Variants in SCUBE1 observed in about 807,000 individuals in gnomAD.
SCUBE1 encodes signal peptide, CUB domain and EGF like domain containing 1.
In SCUBE1, 59 loss-of-function variants were observed where a neutral mutation model predicts 124.4. That is an observed-to-expected ratio of 0.47 (90% confidence interval 0.38 to 0.59). The LOEUF is 0.59. SCUBE1 is among the 20% of genes least tolerant of loss of function. SCUBE1 has a pLI of 0.00. For missense variants in SCUBE1, 1,150 were observed against 1,371.2 expected (o/e 0.84, Z 2.55); for synonymous variants, 545 against 550.9 (o/e 0.99, Z 0.15).
chr22:43,203,934 C>T lies in SCUBE1; in HGVS notation c.*63G>A, dbSNP rs2146645226. 2 of 1,557,462 alleles carry T rather than the reference C, an allele frequency of 1.3e-6. No homozygotes were observed. Among genetic ancestry groups the T allele is most frequent in the Admixed American group, 1.7e-5 (1 of 58,822 alleles). On this transcript the variant is annotated 3_prime_UTR_variant, in exon 22 of 22. Coordinates refer to ENST00000360835, the MANE Select transcript of SCUBE1 (RefSeq NM_173050.5). ...GGTGTGGAGGCCCATGCAGCTCCCA[C>T]TGTGGAGGGCAGGTGCACCCTCCGC...
intron 2 of SCUBE1, among the ~76,000 whole-genome samples, chr22:43,333,385 A>G (rs1256388593): frequency 6.6e-6 from 1 of 152,236 alleles, no homozygotes; most frequent in African/African-American, 2.4e-5. Context: ...ATGTCTCCAC[A>G]TGTGGAGGCT....
At chr22:43,235,274 G>C (rs1196970107) in intron 7 of SCUBE1, among the ~76,000 whole-genome samples, 1 of 152,146 alleles carries the variant, frequency 6.6e-6, no homozygotes, top group African/African-American at 2.4e-5. Context: ...GGTGTGCATG[G>C]GGGCAGGGCG....
Position 43,218,509 on chromosome 22 carries a change from G to A in SCUBE1, c.1688-51C>T, listed in dbSNP as rs747261883. On this transcript the variant is annotated intron_variant, in intron 14 of 21. Transcript: ENST00000360835. ...TGAATCGCTGGCAACCTTGCTAGCC[G>A]CTGCCTTCTTAGCTGAGGGCTCCCC... is the stretch of plus-strand genomic sequence containing the variant. The A allele has an allele frequency of 1.6e-5, 26 of 1,578,356 alleles. No homozygotes were observed. In the East Asian group the frequency reaches 4.3e-4, roughly 26 times the overall value.
chr22:43,338,376 GAC>G (rs1253671732), intron 2 of SCUBE1, among the ~76,000 whole-genome samples: 1 of 152,192 alleles, frequency 6.6e-6, no homozygotes, highest in Non-Finnish European at 1.5e-5. Context: ...TGGAACTTGA[GAC>G]AGAGACCTAC....
chr22:43,284,519 C>T (rs1925053798), intron 4 of SCUBE1, among the ~76,000 whole-genome samples: 1 of 152,256 alleles, frequency 6.6e-6, no homozygotes, highest in East Asian at 1.9e-4. Context: ...TTCCCCATTG[C>T]TGCTGTCTTC....
intron 7 of SCUBE1, among the ~76,000 whole-genome samples, chr22:43,235,240 T>A (rs1478871779): frequency 6.6e-6 from 1 of 152,104 alleles, no homozygotes; most frequent in Non-Finnish European, 1.5e-5. Context: ...TTTGGGTACA[T>A]CACCCAGGGT....
Position 43,198,521 on chromosome 22 carries a change from G to T in SCUBE1, c.*5476C>A. 1 of 456,460 alleles carries T rather than the reference G, an allele frequency of 2.2e-6. No individual in the cohort carries two copies. The highest frequency in any genetic ancestry group is 4.4e-6 in the Non-Finnish European group (1 of 226,790). The allele number at this position is 456,460 out of a possible 1,614,324, so 28.3% of individuals were successfully genotyped here. On this transcript the variant is annotated 3_prime_UTR_variant, in exon 22 of 22. Coordinates refer to ENST00000360835, the MANE Select transcript of SCUBE1 (RefSeq NM_173050.5). The stretch of plus-strand genomic sequence containing the variant: ...GGGTGCTGTGGGGGCAGAGGCAGCC[G>T]CGGTAGAATAGGAGGCGCTCTCTGC...
chr22:43,310,609 T>C (rs908804973), intron 3 of SCUBE1, among the ~76,000 whole-genome samples: 5 of 152,262 alleles, frequency 3.3e-5, no homozygotes, highest in Admixed American at 6.5e-5. Flanking sequence ...AGAGACTAGT[T>C]GATCCTGTCT....
Position 43,218,246 on chromosome 22 carries a change from A to C in SCUBE1, c.1891+9T>G, listed in dbSNP as rs769673353. ...GTCAGCATCTGAGTGGCCATGGGCA[A>C]GGACTCACCGCATTTGCTGTCCTGT... On this transcript the variant is annotated intron_variant, in intron 15 of 21. Coordinates refer to ENST00000360835, the MANE Select transcript of SCUBE1 (RefSeq NM_173050.5). 1 of 1,612,580 alleles carries C rather than the reference A, an allele frequency of 6.2e-7. No homozygotes were observed. Among genetic ancestry groups the C allele is most frequent in the Admixed American group, 1.7e-5 (1 of 60,026 alleles).
intron 8 of SCUBE1, among the ~76,000 whole-genome samples, chr22:43,231,376 T>C (rs906868437): frequency 1.3e-5 from 2 of 152,198 alleles, no homozygotes; most frequent in Non-Finnish European, 2.9e-5. Context: ...CAGGTGAGGA[T>C]TGTTTGAGAG....
At position 43,203,907 on chromosome 22, in the gene SCUBE1, G is replaced by C. The variant is rs965104000; in HGVS notation, c.*90C>G. On this transcript the variant is annotated 3_prime_UTR_variant, in exon 22 of 22. Transcript: ENST00000360835. ...AGGGCAGTGCCATGGGGTTCCCAAG[G>C]TGGTGTGGAGGCCCATGCAGCTCCC... is the stretch of plus-strand genomic sequence containing the variant. 7 of 1,374,236 alleles carry C rather than the reference G, an allele frequency of 5.1e-6. No individual in the cohort carries two copies. The highest frequency in any genetic ancestry group is 7.1e-6 in the Non-Finnish European group (7 of 982,902). The allele number at this position is 1,374,236 out of a possible 1,614,324, so 85.1% of individuals were successfully genotyped here.
At chr22:43,281,978 G>C (rs1924932012) in intron 4 of SCUBE1, 1 of 152,402 alleles carries the variant, frequency 6.6e-6, no homozygotes, top group South Asian at 2.1e-4. Context: ...TGGCCAACCG[G>C]AACAAGCTGG....
intron 3 of SCUBE1, among the ~76,000 whole-genome samples, chr22:43,307,765 A>G (rs766556608): frequency 6.6e-6 from 1 of 152,238 alleles, no homozygotes. Flanking sequence ...TTCTGCTGCT[A>G]TAAACCCCAC....
At chr22:43,208,468 C>T (rs1921393401) in intron 19 of SCUBE1, among the ~76,000 whole-genome samples, 3 of 152,206 alleles carry the variant, frequency 2.0e-5, no homozygotes, top group African/African-American at 7.2e-5. Flanking sequence ...CTCCCTGACT[C>T]TCCCCCCATC....
Position 43,262,917 on chromosome 22 carries a change from AG to A in SCUBE1, c.485-73del, listed in dbSNP as rs58098511. 6,186 of 1,537,022 alleles carry A rather than the reference AG, an allele frequency of 4.0e-3. 207 individuals carry two copies. In the African/African-American group the frequency reaches 0.074, roughly 18 times the overall value. ...GGGAGAGAGAAAATTTCAGGCTGAA[AG>A]GGGATAGCCAATGATATGTAACAAT... On this transcript the variant is annotated intron_variant, in intron 4 of 21. Transcript: ENST00000360835.
At chr22:43,337,071 C>A (rs1284490313) in intron 2 of SCUBE1, among the ~76,000 whole-genome samples, 4 of 152,070 alleles carry the variant, frequency 2.6e-5, no homozygotes, top group Non-Finnish European at 5.9e-5. Context: ...GATAGGGAGA[C>A]CCCTGGCAGT....
At chr22:43,305,467 G>A (rs556533662) in intron 3 of SCUBE1, among the ~76,000 whole-genome samples, 1 of 152,306 alleles carries the variant, frequency 6.6e-6, no homozygotes, top group Non-Finnish European at 1.5e-5. Flanking sequence ...AGAGGCTCAG[G>A]CGGAAGAGCT....
At chr22:43,215,053 G>T (rs1013412082) in intron 15 of SCUBE1, among the ~76,000 whole-genome samples, 1 of 152,208 alleles carries the variant, frequency 6.6e-6, no homozygotes, top group Non-Finnish European at 1.5e-5. Flanking sequence ...TCCGATGAGA[G>T]GGCCTAGAGG....
At chr22:43,320,098 G>C (rs759713324) in intron 2 of SCUBE1, 33 bp from the exon 3 acceptor site, 3 of 1,612,348 alleles carry the variant, frequency 1.9e-6, no homozygotes, top group Admixed American at 3.3e-5. Flanking sequence ...GGTGTCAGAA[G>C]AAGAGCCTGG....
Sources: allele counts gnomAD v4.1 joint callset (sites outside exome capture counted in the v4.1 genomes callset), GRCh38; gene constraint gnomAD v4.1.1; transcripts MANE v1.5; gene names NCBI Gene and HGNC (gene_info 2026-07-23, HGNC 2026-07-21).